The following IL6R variants were observed in gnomAD, a reference collection of about 807,000 sequenced individuals.
IL6R encodes the protein interleukin-6 receptor subunit alpha.
IL6R carries 38 observed loss-of-function variants against 48.3 expected under a neutral mutation model. The ratio of observed to expected loss-of-function variants is 0.79; its 90% CI spans 0.61 to 1.03. The LOEUF (loss-of-function observed/expected upper bound fraction) is 1.03, where lower values mean the gene tolerates loss of function less well. IL6R is among the 50% of genes least tolerant of loss of function. The pLI is 0.00. For missense variants in IL6R, 534 were observed against 618.3 expected (o/e 0.86, Z 1.45); for synonymous variants, 264 against 256.2 (o/e 1.03, Z -0.29).
intron 6 of IL6R, among the ~76,000 whole-genome samples, chr1:154,446,172 G>C (rs1690216781): frequency 6.6e-6 from 1 of 152,108 alleles, no homozygotes; most frequent in Non-Finnish European, 1.5e-5. Flanking sequence ...GCTGGGCTGG[G>C]AAGAACGCAA....
chr1:154,425,797 CA>C (rs1210489274), intron 1 of IL6R, among the ~76,000 whole-genome samples: 1 of 149,630 alleles, frequency 6.7e-6, no homozygotes, highest in Non-Finnish European at 1.5e-5. Context: ...AAAAAAAAAG[CA>C]GCCGGGCACA....
At chr1:154,425,488 T>C (rs1284826518) in intron 1 of IL6R, among the ~76,000 whole-genome samples, 2 of 152,138 alleles carry the variant, frequency 1.3e-5, no homozygotes, top group African/African-American at 2.4e-5. Context: ...GAGAAACATA[T>C]AAATGAGGCC....
Position 154,465,671 on chromosome 1 carries a change from C to T in IL6R, c.*291C>T. Reference sequence around the variant, plus strand: ...AAGACTCTTTGGACACTCACACGGACACTCAAAAGCTGGGCAGGTTGGTGG... The same window carrying T: ...AAGACTCTTTGGACACTCACACGGATACTCAAAAGCTGGGCAGGTTGGTGG... On this transcript the variant is annotated 3_prime_UTR_variant, in exon 10 of 10. Transcript: ENST00000368485. 1 of 388,660 alleles carries T rather than the reference C, an allele frequency of 2.6e-6. No homozygotes were observed. The highest frequency in any genetic ancestry group is 4.8e-6 in the Non-Finnish European group (1 of 208,282). 24.1% of individuals were successfully genotyped at this position (388,660 alleles called of 1,614,324 possible).
At position 154,405,528 on chromosome 1, in the gene IL6R, T is replaced by TTG; in HGVS notation, c.-102_-101insTG. On this transcript the variant is annotated 5_prime_UTR_variant, in exon 1 of 10. Coordinates refer to ENST00000368485, the MANE Select transcript of IL6R (RefSeq NM_000565.4). The surrounding 1 kb of genome is among the most constrained non-coding windows in gnomAD (Gnocchi z 5.2). ...GCTGCCCCCGGGGCCTGAGCCCGCC[T>TTG]GCCCGCCCACCGCCCCGCCCCGCCC... 6 of 383,372 alleles carry TTG rather than the reference T, an allele frequency of 1.6e-5. No individual in the cohort carries two copies. The highest frequency in any genetic ancestry group is 6.2e-5 in the East Asian group (1 of 16,094). 23.7% of individuals were successfully genotyped at this position (383,372 alleles called of 1,614,324 possible). A position where few individuals can be genotyped will look rare whatever the true frequency, so the allele number is the denominator to read the frequency against.
chr1:154,438,696 C>G (rs533640363), intron 6 of IL6R, among the ~76,000 whole-genome samples: 1 of 152,260 alleles, frequency 6.6e-6, no homozygotes, highest in Non-Finnish European at 1.5e-5. Context: ...GGTGATGGCT[C>G]TTCCTCCTGG....
chr1:154,445,233 G>C, intron 6 of IL6R: 1 of 379,082 alleles, frequency 2.6e-6, no homozygotes, highest in Admixed American at 3.0e-5. Context: ...CCCTTGCTCA[G>C]CACGCAGGAG....
chr1:154,444,502 C>T (rs917506411), intron 6 of IL6R, among the ~76,000 whole-genome samples: 4 of 152,262 alleles, frequency 2.6e-5, no homozygotes, highest in Non-Finnish European at 4.4e-5. Flanking sequence ...CCACCGTGCC[C>T]GGCTGGTTGC....
chr1:154,443,679 TG>T (rs1308405916), intron 6 of IL6R, among the ~76,000 whole-genome samples: 1 of 152,182 alleles, frequency 6.6e-6, no homozygotes, highest in Non-Finnish European at 1.5e-5. Flanking sequence ...CCAGCCTTGC[TG>T]GGTTGTGAGG....
At chr1:154,447,686 T>TTTTGTTTTG (rs1558323953) in intron 6 of IL6R, among the ~76,000 whole-genome samples, 77 of 148,430 alleles carry the variant, frequency 5.2e-4, no homozygotes, top group Non-Finnish European at 6.3e-4. Flanking sequence ...AGCATGCTGT[T>TTTTGTTTTG]TTTTGTTTTG....
intron 1 of IL6R, chr1:154,414,889 A>G (rs1372742431): frequency 4.8e-6 from 4 of 831,268 alleles, no homozygotes; most frequent in South Asian, 2.9e-5. Context: ...CTTGTAATCA[A>G]AGTAGCAGCA....
chr1:154,413,040 C>T (rs1406367444), intron 1 of IL6R, among the ~76,000 whole-genome samples: 2 of 145,702 alleles, frequency 1.4e-5, no homozygotes, highest in Non-Finnish European at 3.0e-5. Context: ...CTTGCTCTGT[C>T]GCTCAGACTT....
At position 154,429,240 on chromosome 1, in the gene IL6R, A is replaced by T. The variant is rs1429634359; in HGVS notation, c.130A>T (p.Thr44Ser). 1.2e-6 allele frequency: 2 copies of T among 1,613,670 alleles called. No individual in the cohort carries two copies. The highest frequency in any genetic ancestry group is 2.2e-5 in the South Asian group (2 of 91,068). The change falls in exon 2 of 10, where the codon ACT becomes TCT. Residue 44 changes from threonine (T) to serine (S), a missense_variant. Coordinates refer to ENST00000368485, the MANE Select transcript of IL6R (RefSeq NM_000565.4). ...VLTSLPGDSV[T>S]LTCPGVEPED... ...GACCAGTCTGCCAGGAGACAGCGTGACTCTGACCTGCCCGGGGGTAGAGCC... is the reference window on the plus strand; with the variant it reads ...GACCAGTCTGCCAGGAGACAGCGTGTCTCTGACCTGCCCGGGGGTAGAGCC...
chr1:154,454,657 T>C, intron 9 of IL6R, 76 bp downstream of exon 9: 1 of 971,552 alleles, frequency 1.0e-6, no homozygotes, highest in Admixed American at 1.9e-5. Flanking sequence ...CATTCTGAAA[T>C]TTATGGTGCA....
chr1:154,426,680 C>CTTCATAAATTAACTTTTATGT (rs1688994733), intron 1 of IL6R, among the ~76,000 whole-genome samples: 1 of 151,968 alleles, frequency 6.6e-6, no homozygotes, highest in South Asian at 2.1e-4. Context: ...GTATTTTATG[C>CTTCATAAATTAACTTTTATGT]TTCATAAATT....
Position 154,449,786 on chromosome 1 carries a change from A to T in IL6R, c.997-125A>T, listed in dbSNP as rs990716249. The stretch of plus-strand genomic sequence containing the variant: ...ATTGATTTTTCCACTGTTATGAATG[A>T]AATGGAGAAAGGAATGCTTTGGGTG... On this transcript the variant is annotated intron_variant, in intron 7 of 9. Coordinates refer to ENST00000368485, the MANE Select transcript of IL6R (RefSeq NM_000565.4). The T allele has an allele frequency of 1.9e-5, 14 of 718,464 alleles. No homozygotes were observed. In the South Asian group the frequency reaches 2.1e-4, roughly 11 times the overall value. 44.5% of individuals were successfully genotyped at this position (718,464 alleles called of 1,614,324 possible). A position where few individuals can be genotyped will look rare whatever the true frequency, so the allele number is the denominator to read the frequency against.
chr1:154,457,810 A>G (rs1478081314), intron 9 of IL6R, among the ~76,000 whole-genome samples: 3 of 152,098 alleles, frequency 2.0e-5, no homozygotes, highest in Admixed American at 6.5e-5. Flanking sequence ...TCCTTTCTAC[A>G]TGTAGAGAGC....
In IL6R at chr1:154,429,412, G is replaced by A. The variant is rs373941142; in HGVS notation, c.302G>A (p.Arg101His). The A allele has an allele frequency of 2.4e-5, 38 of 1,613,514 alleles. No individual in the cohort carries two copies. The highest frequency in any genetic ancestry group is 8.8e-5 in the South Asian group (8 of 91,062). ...AACTATTCATGCTACCGGGCCGGCC[G>A]CCCAGCTGGGACTGTGCACTTGCTG... ...SGNYSCYRAG[R>H]PAGTVHLLVD... The change falls in exon 2 of 10, where the codon CGC (arginine) becomes CAC (histidine). Residue 101 changes from arginine (R) to histidine (H), a missense_variant. Coordinates refer to ENST00000368485, the MANE Select transcript of IL6R (RefSeq NM_000565.4).
chr1:154,425,427 A>G (rs1395666270), intron 1 of IL6R, among the ~76,000 whole-genome samples: 2 of 152,194 alleles, frequency 1.3e-5, no homozygotes, highest in African/African-American at 4.8e-5. Context: ...GGGTCACACA[A>G]CGAAATATTA....
At chr1:154,424,579 C>T (rs753876370) in intron 1 of IL6R, among the ~76,000 whole-genome samples, 3 of 152,182 alleles carry the variant, frequency 2.0e-5, no homozygotes, top group Non-Finnish European at 4.4e-5. Context: ...ACTTGAAATC[C>T]GTGTTAGGTT....
Sources: allele counts gnomAD v4.1 joint callset (sites outside exome capture counted in the v4.1 genomes callset), GRCh38; gene constraint gnomAD v4.1.1; non-coding constraint Gnocchi (gnomAD v3.1); transcripts MANE v1.5; gene names NCBI Gene and HGNC (gene_info 2026-07-23, HGNC 2026-07-21).